NRXN3: variants seen among roughly 807,000 people sequenced by gnomAD.
The protein encoded by NRXN3 is neurexin 3.
Under a neutral mutation model 137.6 loss-of-function variants are expected in NRXN3, and 32 were observed. That is an observed-to-expected ratio of 0.23 (90% CI 0.18 to 0.31). NRXN3 has a LOEUF of 0.31. Among genes scored for constraint, NRXN3 ranks in the 10% least tolerant of loss-of-function variants. The pLI is 1.00. For missense variants in NRXN3, 1,574 were observed against 2,062.5 expected (o/e 0.76, Z 4.59); for synonymous variants, 798 against 784.5 (o/e 1.02, Z -0.29).
At chr14:78,539,275 A>G (rs1442815000) in intron 4 of NRXN3, among the ~76,000 whole-genome samples, 1 of 152,168 alleles carries the variant, frequency 6.6e-6, no homozygotes, top group Non-Finnish European at 1.5e-5. Flanking sequence ...GTTATTAATT[A>G]TTGCCTCAAT....
At chr14:79,087,768 C>T (rs542626486) in intron 15 of NRXN3, among the ~76,000 whole-genome samples, 64 of 152,260 alleles carry the variant, frequency 4.2e-4, no homozygotes, top group Non-Finnish European at 6.8e-4. Context: ...AAGAAGCATA[C>T]GCACAACTCT....
intron 10 of NRXN3, among the ~76,000 whole-genome samples, chr14:78,899,830 A>C (rs1567648695): frequency 6.6e-6 from 1 of 151,978 alleles, no homozygotes; most frequent in Non-Finnish European, 1.5e-5. Flanking sequence ...ATTCTTTTCT[A>C]CCCTGACTTA....
At chr14:78,198,540 T>C (rs1297537492) in intron 1 of NRXN3, among the ~76,000 whole-genome samples, 3 of 152,196 alleles carry the variant, frequency 2.0e-5, no homozygotes, top group African/African-American at 7.2e-5. Flanking sequence ...TGGTGCATGC[T>C]GCGAAAGCAA....
At chr14:79,630,474 G>GAAAGA (rs1368841589) in intron 16 of NRXN3, among the ~76,000 whole-genome samples, 16 of 152,302 alleles carry the variant, frequency 1.1e-4, no homozygotes, top group Admixed American at 2.0e-4. Flanking sequence ...TTGTCACTTT[G>GAAAGA]GTCCTGGTTC....
chr14:79,482,410 G>T (rs1446633347), intron 16 of NRXN3, among the ~76,000 whole-genome samples: 1 of 152,056 alleles, frequency 6.6e-6, no homozygotes, highest in Non-Finnish European at 1.5e-5. Flanking sequence ...TCACTGTGTT[G>T]CTCATGACTG....
rs546035339 is a variant in NRXN3 at position 78,825,894 on chromosome 14, C to G, written c.2275+15550C>G. On this transcript the variant is annotated intron_variant, in intron 10 of 20. Transcript: ENST00000335750. ...CATTATTAAGAGAGAAGATCCTCCT[C>G]TACCAAAGTCACAGGGATTGACTAT... Among the ~76,000 whole-genome samples, 67 of 152,316 alleles carry G rather than the reference C, an allele frequency of 4.4e-4. 1 individual carries two copies. In the South Asian group the frequency reaches 0.013, roughly 31 times the overall value.
chr14:79,535,643 A>G (rs1361603459), intron 16 of NRXN3, among the ~76,000 whole-genome samples: 1 of 152,168 alleles, frequency 6.6e-6, no homozygotes, highest in South Asian at 2.1e-4. Context: ...GGCATTCTAT[A>G]TACTTTATCA....
intron 15 of NRXN3, among the ~76,000 whole-genome samples, chr14:79,417,191 A>C (rs541700871): frequency 2.6e-5 from 4 of 152,254 alleles, no homozygotes; most frequent in African/African-American, 9.6e-5. Flanking sequence ...GATATGCAAG[A>C]AGCACCTGTG....
intron 15 of NRXN3, among the ~76,000 whole-genome samples, chr14:79,162,922 T>G (rs1250893197): frequency 2.6e-5 from 4 of 151,902 alleles, no homozygotes; most frequent in African/African-American, 9.7e-5. Flanking sequence ...TTCTACTCTC[T>G]TCTATCCTCC....
intron 15 of NRXN3, among the ~76,000 whole-genome samples, chr14:79,438,776 G>A (rs1287713289): frequency 1.3e-5 from 2 of 152,210 alleles, no homozygotes; most frequent in Admixed American, 6.5e-5. Context: ...AAAAGACTTT[G>A]TTTATGCCAT....
At chr14:78,515,727 A>G (rs2096195131) in intron 4 of NRXN3, among the ~76,000 whole-genome samples, 1 of 152,062 alleles carries the variant, frequency 6.6e-6, no homozygotes, top group Non-Finnish European at 1.5e-5. Flanking sequence ...CGTGAAAAAC[A>G]GAGTTCAAAA....
At chr14:79,198,938 A>C in intron 15 of NRXN3, among the ~76,000 whole-genome samples, 1 of 152,180 alleles carries the variant, frequency 6.6e-6, no homozygotes, top group East Asian at 1.9e-4. Flanking sequence ...AGGCCGAGAA[A>C]GGCGGATCAC....
chr14:79,835,552 G>C (rs888049220), intron 20 of NRXN3, among the ~76,000 whole-genome samples: 3 of 152,062 alleles, frequency 2.0e-5, no homozygotes, highest in East Asian at 3.8e-4. Flanking sequence ...TTGGGGCTCT[G>C]TTCTGGGATT....
At chr14:79,464,799 A>AT (rs2096400371) in intron 15 of NRXN3, among the ~76,000 whole-genome samples, 1 of 152,198 alleles carries the variant, frequency 6.6e-6, no homozygotes, top group African/African-American at 2.4e-5. Flanking sequence ...AAGTGGTACT[A>AT]TTTAAATCAG....
intron 10 of NRXN3, among the ~76,000 whole-genome samples, chr14:78,813,178 A>G (rs1442824867): frequency 6.6e-6 from 1 of 152,230 alleles, no homozygotes; most frequent in Non-Finnish European, 1.5e-5. Context: ...TTTATTGTGA[A>G]TCTTCTCTAT....
intron 2 of NRXN3, among the ~76,000 whole-genome samples, chr14:78,259,638 G>A (rs2070345710): frequency 6.6e-6 from 1 of 152,142 alleles, no homozygotes; most frequent in Admixed American, 6.5e-5. Context: ...CTTTATCTCT[G>A]CCCAGAGGTG....
chr14:78,326,976 A>G (rs1158981293), intron 4 of NRXN3, among the ~76,000 whole-genome samples: 1 of 152,106 alleles, frequency 6.6e-6, no homozygotes. Flanking sequence ...CATCTGTAGA[A>G]TGGACATAAT....
chr14:79,436,060 C>T (rs1016014062), intron 15 of NRXN3, among the ~76,000 whole-genome samples: 1 of 152,126 alleles, frequency 6.6e-6, no homozygotes, highest in African/African-American at 2.4e-5. Context: ...CCACTGCCTC[C>T]ATGTGTCTAA....
At chr14:78,356,025 G>T (rs1418196155) in intron 4 of NRXN3, among the ~76,000 whole-genome samples, 1 of 152,194 alleles carries the variant, frequency 6.6e-6, no homozygotes, top group Admixed American at 6.5e-5. Context: ...GACAGGTGGC[G>T]AAAAATCTTA....
Sources: gnomAD v4.1 joint callset for allele counts (sites outside exome capture counted in the v4.1 genomes callset) on GRCh38, gnomAD v4.1.1 for gene constraint, MANE v1.5 for transcripts, NCBI Gene and HGNC (gene_info 2026-07-23, HGNC 2026-07-21) for gene names.